Variants in TPTE2 observed in about 807,000 individuals in gnomAD.
The protein encoded by TPTE2 is phosphatidylinositol 3,4,5-trisphosphate 3-phosphatase TPTE2.
Under a neutral mutation model 78.6 loss-of-function variants are expected in TPTE2, and 53 were observed. The ratio of observed to expected loss-of-function variants is 0.67; its 90% CI spans 0.54 to 0.85. The LOEUF (loss-of-function observed/expected upper bound fraction) is 0.85, where lower values mean the gene tolerates loss of function less well. TPTE2 is among the 40% of genes least tolerant of loss of function. TPTE2 has a pLI of 0.00. For missense variants in TPTE2, 461 were observed against 623.0 expected, an observed-to-expected ratio of 0.74 and a Z score of 2.77; for synonymous variants, 175 against 206.2, an observed-to-expected ratio of 0.85 and a Z score of 1.30.
intron 13 of TPTE2, among the ~76,000 whole-genome samples, chr13:19,448,277 T>C (rs576417589): frequency 4.3e-4 from 65 of 152,284 alleles, no homozygotes; most frequent in African/African-American, 1.5e-3. Flanking sequence ...CAAGATATTT[T>C]TGGATATGAC....
rs571086411 is a variant in TPTE2, at chr13:19,528,607, C to T, written c.-44+7989G>A. 6.6e-4 allele frequency among the ~76,000 whole-genome samples: 101 copies of T among 152,272 alleles called. 1 individual carries two copies. Among genetic ancestry groups the T allele is most frequent in the African/African-American group, 2.3e-3 (97 of 41,544 alleles). ...GTTTAAATCATGACCACTTTACTCC[C>T]GTAGTAAGTAGGTAGAGCAGGAATT... On this transcript the variant is annotated intron_variant, in intron 1 of 17. Transcript: ENST00000390680.
chr13:19,501,140 G>T (rs370790224), intron 1 of TPTE2, among the ~76,000 whole-genome samples: 15 of 9,284 alleles, frequency 1.6e-3, no homozygotes, highest in African/African-American at 4.6e-3. Context: ...CACTGCTCAA[G>T]GAAATAAAAG....
At chr13:19,519,280 A>T (rs1275414254) in intron 1 of TPTE2, among the ~76,000 whole-genome samples, 1 of 152,120 alleles carries the variant, frequency 6.6e-6, no homozygotes, top group East Asian at 1.9e-4. Context: ...ATAGGGGAAA[A>T]CCAGTGAGAC....
chr13:19,450,765 C>CT, intron 11 of TPTE2, among the ~76,000 whole-genome samples: 1 of 152,232 alleles, frequency 6.6e-6, no homozygotes, highest in East Asian at 1.9e-4. Flanking sequence ...GAGTCTTTTG[C>CT]TTTTTTCCCA....
At chr13:19,528,622 G>A (rs1299083193) in intron 1 of TPTE2, among the ~76,000 whole-genome samples, 1 of 152,192 alleles carries the variant, frequency 6.6e-6, no homozygotes, top group African/African-American at 2.4e-5. Flanking sequence ...TAAGTAGGTA[G>A]AGCAGGAATT....
At chr13:19,556,926 C>G in the TPTE2 span, among the ~76,000 whole-genome samples, 2 of 152,038 alleles carry the variant, frequency 1.3e-5, no homozygotes, top group Non-Finnish European at 1.5e-5. Context: ...TAATGTCAAG[C>G]AAGAGGACAC....
exon 1 of TPTE2, chr13:19,536,669 C>T (rs748672298): frequency 6.6e-6 from 1 of 152,050 alleles, no homozygotes; most frequent in Non-Finnish European, 1.5e-5. Context: ...TTTTCACTTC[C>T]ATATAGTGTT....
chr13:19,510,493 C>T (rs1325690120), intron 1 of TPTE2, among the ~76,000 whole-genome samples: 2 of 151,640 alleles, frequency 1.3e-5, no homozygotes, highest in Non-Finnish European at 2.9e-5. Flanking sequence ...AGTACTCACT[C>T]ACCCTCACTC....
intron 1 of TPTE2, among the ~76,000 whole-genome samples, chr13:19,521,318 CTTTG>C (rs1453801871): frequency 6.9e-6 from 1 of 144,816 alleles, no homozygotes; most frequent in Non-Finnish European, 1.5e-5. Flanking sequence ...ATAAAATGTC[CTTTG>C]TTTTTAATAA....
At chr13:19,528,374 C>T (rs984476430) in intron 1 of TPTE2, among the ~76,000 whole-genome samples, 83 of 148,424 alleles carry the variant, frequency 5.6e-4, no homozygotes, top group Middle Eastern at 3.6e-3. Flanking sequence ...GCAACAAGAG[C>T]GAAACTCCAT....
intron 14 of TPTE2, among the ~76,000 whole-genome samples, 196 bp downstream of exon 17, chr13:19,437,896 G>T (rs1232476240): frequency 6.6e-6 from 1 of 152,082 alleles, no homozygotes; most frequent in African/African-American, 2.4e-5. Flanking sequence ...GGCCCAAAGA[G>T]ATTCTGCAGT....
the TPTE2 span, among the ~76,000 whole-genome samples, chr13:19,554,104 G>A: frequency 7.6e-3 from 1,159 of 152,246 alleles, 12 homozygotes; most frequent in African/African-American, 0.025. Flanking sequence ...GGCCGGGCAT[G>A]GTGGCTCACG....
intron 10 of TPTE2, among the ~76,000 whole-genome samples, chr13:19,456,739 C>T (rs181408545): frequency 1.1e-3 from 164 of 152,204 alleles, no homozygotes; most frequent in African/African-American, 3.7e-3. Context: ...GCTGTGTAGT[C>T]AATGCCCAAG....
intron 13 of TPTE2, among the ~76,000 whole-genome samples, chr13:19,443,476 G>A (rs1487878523): frequency 6.7e-6 from 1 of 149,790 alleles, no homozygotes; most frequent in African/African-American, 2.5e-5. Flanking sequence ...TGTGATCTTG[G>A]CTCACTGCAA....
At chr13:19,431,411 C>T (rs1876592294) in intron 16 of TPTE2, among the ~76,000 whole-genome samples, 1 of 152,004 alleles carries the variant, frequency 6.6e-6, no homozygotes, top group African/African-American at 2.4e-5. Flanking sequence ...CTTCCCTTAG[C>T]GTTTCCTCAA....
chr13:19,441,379 C>G (rs1018331058), intron 13 of TPTE2, among the ~76,000 whole-genome samples: 1 of 151,916 alleles, frequency 6.6e-6, no homozygotes, highest in African/African-American at 2.4e-5. Flanking sequence ...CACAATATTA[C>G]CAATAAACCT....
At chr13:19,515,517 C>A (rs1022375060) in intron 1 of TPTE2, among the ~76,000 whole-genome samples, 2 of 152,086 alleles carry the variant, frequency 1.3e-5, no homozygotes, top group African/African-American at 4.8e-5. Context: ...TTCAAATGAC[C>A]AAATCTCGTT....
intron 3 of TPTE2, among the ~76,000 whole-genome samples, chr13:19,491,068 CAG>C (rs1880960943): frequency 6.6e-6 from 1 of 152,156 alleles, no homozygotes; most frequent in Admixed American, 6.5e-5. Context: ...CTTTAGAAAA[CAG>C]TGTCTAAAAC....
At chr13:19,554,007 AT>A in the TPTE2 span, among the ~76,000 whole-genome samples, 51 of 152,096 alleles carry the variant, frequency 3.4e-4, no homozygotes, top group African/African-American at 1.0e-3. Flanking sequence ...TTTTCCCTAT[AT>A]TTTTATTCTT....
Sources: gnomAD v4.1 joint callset for allele counts (sites outside exome capture counted in the v4.1 genomes callset) on GRCh38, gnomAD v4.1.1 for gene constraint, MANE v1.5 for transcripts, NCBI Gene and HGNC (gene_info 2026-07-23, HGNC 2026-07-21) for gene names.